CROT: variants seen among roughly 807,000 people sequenced by gnomAD.
CROT encodes carnitine O-octanoyltransferase.
In CROT, 84 loss-of-function variants were observed where a neutral mutation model predicts 89.2. That is an observed-to-expected ratio of 0.94 (90% CI 0.79 to 1.13). CROT has a LOEUF of 1.13. CROT is among the 50% of genes most tolerant of loss of function. The probability of loss-of-function intolerance (pLI) is 0.00; values close to 1 mark genes in which losing one functional copy is unlikely to be tolerated. For missense variants in CROT, 711 were observed against 727.8 expected, an observed-to-expected ratio of 0.98 and a Z score of 0.27; for synonymous variants, 212 against 239.5, an observed-to-expected ratio of 0.89 and a Z score of 1.06.
intron 17 of CROT, among the ~76,000 whole-genome samples, chr7:87,397,350 C>CA (rs11429478): frequency 0.89 from 130,353 of 146,242 alleles, 58,136 homozygotes; most frequent in Middle Eastern, 0.94. Context: ...GACTCTTTCT[C>CA]AAAAAAAAAA....
At chr7:87,362,303 CCTTT>C (rs1438073429) in intron 6 of CROT, among the ~76,000 whole-genome samples, 3 of 142,814 alleles carry the variant, frequency 2.1e-5, no homozygotes, top group Non-Finnish European at 4.5e-5. Context: ...AGTCACTCTT[CCTTT>C]TTTTTTTTTT....
intron 10 of CROT, among the ~76,000 whole-genome samples, chr7:87,380,147 T>A (rs894380330): frequency 2.0e-5 from 3 of 152,170 alleles, no homozygotes; most frequent in African/African-American, 7.2e-5. Context: ...GCATATGTAC[T>A]GTAAAATAAA....
At chr7:87,379,387 G>A (rs1806919026) in intron 10 of CROT, among the ~76,000 whole-genome samples, 1 of 152,086 alleles carries the variant, frequency 6.6e-6, no homozygotes, top group Non-Finnish European at 1.5e-5. Context: ...TTCATTATAT[G>A]TTAAATTGTT....
rs115705737 is a variant in CROT, at chr7:87,373,255, A to G, written c.657-2377A>G. On this transcript the variant is annotated intron_variant, in intron 7 of 17. Coordinates refer to ENST00000331536, the MANE Select transcript of CROT (RefSeq NM_021151.4). ...TATATCTTCCTTGGAGAGATGTCTA[A>G]TCAGATACTTGGCCAATTTTTAAAT... Among the ~76,000 whole-genome samples, 531 of 152,252 alleles carry G rather than the reference A, an allele frequency of 3.5e-3. 5 individuals carry two copies. Among genetic ancestry groups the G allele is most frequent in the African/African-American group, 0.012 (493 of 41,570 alleles).
chr7:87,398,365 A>G (rs1584657188), intron 17 of CROT, 159 bp from the exon 18 acceptor site: 1 of 849,268 alleles, frequency 1.2e-6, no homozygotes, highest in Admixed American at 1.9e-5. Context: ...ATCTACAGAT[A>G]TGGCTTTACC....
In CROT at chr7:87,399,240, C is replaced by T. The variant is rs779243432; in HGVS notation, c.*596C>T. 6.6e-6 allele frequency: 1 copy of T among 152,658 alleles called. No homozygotes were observed. Among genetic ancestry groups the T allele is most frequent in the Non-Finnish European group, 1.5e-5 (1 of 68,538 alleles). The allele number at this position is 152,658 out of a possible 1,614,324, so 9.5% of individuals were successfully genotyped here. A position where few individuals can be genotyped will look rare whatever the true frequency, so the allele number is the denominator to read the frequency against. On this transcript the variant is annotated 3_prime_UTR_variant, in exon 18 of 18. Transcript: ENST00000331536. ...CTATAATCTTAGCACTTTGGGAGGC[C>T]AAGGTAGGAGGATTGCTTGAAGCTA...
chr7:87,391,636 G>A lies in CROT; in HGVS notation c.1349G>A (p.Gly450Asp), dbSNP rs755369086. 1.9e-6 allele frequency: 3 copies of A among 1,610,188 alleles called. No homozygotes were observed. Among genetic ancestry groups the A allele is most frequent in the Middle Eastern group, 1.7e-4 (1 of 6,048 alleles). Residue 450 changes from glycine (G) to aspartate (D), a missense_variant, in exon 14 of 18, where the codon GGC becomes GAC. Transcript: ENST00000331536. ...ETAMTRHFYH[G>D]RTETMRSCTV... ...GCTATGACAAGACATTTTTATCATG[G>A]CCGTACAGAGACTATGCGATCATGC... is the stretch of plus-strand genomic sequence containing the variant.
intron 2 of CROT, among the ~76,000 whole-genome samples, chr7:87,347,848 G>C (rs1805739624): frequency 1.3e-5 from 2 of 152,118 alleles, no homozygotes; most frequent in African/African-American, 4.8e-5. Flanking sequence ...AGTGCAGGGA[G>C]AACACATGCA....
chr7:87,369,629 T>C, intron 7 of CROT, 145 bp downstream of exon 7: 1 of 355,018 alleles, frequency 2.8e-6, no homozygotes, highest in East Asian at 4.6e-5. Flanking sequence ...AATCTATTTG[T>C]ATTTTTTATT....
intron 13 of CROT, among the ~76,000 whole-genome samples, chr7:87,386,732 G>A (rs1257993020): frequency 6.6e-6 from 1 of 152,096 alleles, no homozygotes. Context: ...CATGGAGCGT[G>A]CTTCCTACAC....
In CROT at chr7:87,359,255, T is replaced by C. The variant is rs759716360; in HGVS notation, c.165T>C (p.Val55=). 7 of 1,592,032 alleles carry C rather than the reference T, an allele frequency of 4.4e-6. No homozygotes were observed. The highest frequency in any genetic ancestry group is 5.2e-6 in the Non-Finnish European group (6 of 1,162,718). ...QEEYKKTEEI[V]QKFQSGIGEK... is the part of the protein sequence containing the mutation. ...AATATAAGAAAACTGAAGAAATAGT[T>C]CAAAAATTTCAAAGTGGGATTGGAG... Residue 55 remains valine (V), a synonymous_variant, in exon 4 of 18, where the codon GTT becomes GTC. Coordinates refer to ENST00000331536, the MANE Select transcript of CROT (RefSeq NM_021151.4).
chr7:87,361,016 TGGAGTGCAGTGGTG>T (rs1257758030), intron 4 of CROT, among the ~76,000 whole-genome samples: 1 of 152,244 alleles, frequency 6.6e-6, no homozygotes, highest in Non-Finnish European at 1.5e-5. Context: ...TCACCAAGGC[TGGAGTGCAGTGGTG>T]CAATCATAGC....
chr7:87,371,430 A>ATT (rs1160348740), intron 7 of CROT, among the ~76,000 whole-genome samples: 1 of 152,164 alleles, frequency 6.6e-6, no homozygotes, highest in Non-Finnish European at 1.5e-5. Flanking sequence ...TGATGTGACC[A>ATT]TTTCTTTATG....
At chr7:87,397,670 G>T (rs543428290) in intron 17 of CROT, among the ~76,000 whole-genome samples, 19 of 152,186 alleles carry the variant, frequency 1.2e-4, no homozygotes, top group African/African-American at 3.9e-4. Context: ...CTTCCTAAAG[G>T]TTTCTGTATT....
At chr7:87,347,157 T>C (rs1805710084) in intron 2 of CROT, among the ~76,000 whole-genome samples, 1 of 152,224 alleles carries the variant, frequency 6.6e-6, no homozygotes, top group Non-Finnish European at 1.5e-5. Flanking sequence ...ACTCAAGTGA[T>C]TAGATTAGTT....
At position 87,346,422 on chromosome 7, in the gene CROT, G is replaced by A. The variant is rs1276710960; in HGVS notation, c.-30G>A. On this transcript the variant is annotated 5_prime_UTR_variant, in exon 2 of 18. Transcript: ENST00000331536. Reference sequence around the variant, plus strand: ...GCAGTCTCAAGCAGTTCATCTTCTTGGTGTACTGGTATGTGACAATTCCTT... The same window carrying A: ...GCAGTCTCAAGCAGTTCATCTTCTTAGTGTACTGGTATGTGACAATTCCTT... 1 of 152,114 alleles carries A rather than the reference G, an allele frequency of 6.6e-6. No homozygotes were observed. The highest frequency in any genetic ancestry group is 2.4e-5 in the African/African-American group (1 of 41,414). The allele number at this position is 152,114 out of a possible 1,614,324, so 9.4% of individuals were successfully genotyped here. A position where few individuals can be genotyped will look rare whatever the true frequency, so the allele number is the denominator to read the frequency against.
intron 13 of CROT, among the ~76,000 whole-genome samples, chr7:87,389,283 A>G (rs1167708328): frequency 1.3e-5 from 2 of 152,202 alleles, no homozygotes; most frequent in Admixed American, 6.5e-5. Context: ...ATATATACCC[A>G]AAGGATTATA....
chr7:87,354,025 C>CT (rs1300210323), intron 3 of CROT, among the ~76,000 whole-genome samples: 16 of 152,186 alleles, frequency 1.1e-4, no homozygotes, highest in African/African-American at 3.9e-4. Context: ...AGCAATAAGA[C>CT]TAAGTCAGAG....
chr7:87,346,990 C>G (rs1254780480), intron 2 of CROT, among the ~76,000 whole-genome samples: 2 of 152,186 alleles, frequency 1.3e-5, no homozygotes, highest in African/African-American at 2.4e-5. Context: ...TGGTAGAATT[C>G]ACACTGACAT....
Sources: allele counts gnomAD v4.1 joint callset (sites outside exome capture counted in the v4.1 genomes callset), GRCh38; gene constraint gnomAD v4.1.1; transcripts MANE v1.5; gene names NCBI Gene and HGNC (gene_info 2026-07-23, HGNC 2026-07-21).